ADGRL3: variants seen among roughly 807,000 people sequenced by gnomAD.
ADGRL3 encodes calcium-independent alpha-latrotoxin receptor 3.
Under a neutral mutation model 153.5 loss-of-function variants are expected in ADGRL3, and 62 were observed. The observed-to-expected ratio is 0.40, with a 90% CI of 0.33 to 0.50. The LOEUF (loss-of-function observed/expected upper bound fraction) is 0.50. Among genes scored for constraint, ADGRL3 ranks in the 20% least tolerant of loss-of-function variants. The pLI, the probability that ADGRL3 is intolerant of heterozygous loss-of-function variation, is 0.47. For synonymous variants in ADGRL3, 710 were observed against 672.5 expected (o/e 1.06, Z -0.86); for missense variants, 1,641 against 1,859.4 (o/e 0.88, Z 2.16).
intron 8 of ADGRL3, among the ~76,000 whole-genome samples, chr4:61,787,179 T>C (rs527406942): frequency 6.6e-6 from 1 of 152,264 alleles, no homozygotes; most frequent in South Asian, 2.1e-4. Context: ...AACATCACAA[T>C]TGAAGGTATC....
rs6551641 is a variant in ADGRL3, at chr4:61,653,170, T to A, written c.474-23656T>A. Among the ~76,000 whole-genome samples the A allele has an allele frequency of 1.2e-3, 108 of 91,080 alleles. 1 individual carries two copies. The highest frequency in any genetic ancestry group is 4.0e-3 in the East Asian group (17 of 4,256). 59.8% of individuals were successfully genotyped at this position (91,080 alleles called of 152,430 possible). ...CTCTCTGTCTCTCTCTCTCTCTCTCTCACACACACACACACACACACACAC... is the reference window on the plus strand; with the variant it reads ...CTCTCTGTCTCTCTCTCTCTCTCTCACACACACACACACACACACACACAC... On this transcript the variant is annotated intron_variant, in intron 5 of 26. Coordinates refer to ENST00000683033, the MANE Select transcript of ADGRL3 (RefSeq NM_001387552.1).
intron 4 of ADGRL3, among the ~76,000 whole-genome samples, chr4:61,525,986 A>T (rs1056441727): frequency 8.5e-5 from 13 of 152,106 alleles, no homozygotes; most frequent in African/African-American, 3.1e-4. Flanking sequence ...TTGATTGGGG[A>T]TGATGAGATT....
intron 1 of ADGRL3, among the ~76,000 whole-genome samples, chr4:61,325,130 G>A (rs962762859): frequency 1.3e-5 from 2 of 151,984 alleles, no homozygotes; most frequent in African/African-American, 4.8e-5. Flanking sequence ...TGGCCCACAT[G>A]GTGAAACCCC....
rs954339795 is a variant in ADGRL3, at chr4:61,846,948, A to G, written c.1480+33059A>G. ...AGCCGTGAGGGATATTTTATATATT[A>G]TGTGTGTGTGTGTGTGTGTGTGTAT... On this transcript the variant is annotated intron_variant, in intron 9 of 26. Coordinates refer to ENST00000683033, the MANE Select transcript of ADGRL3 (RefSeq NM_001387552.1). Among the ~76,000 whole-genome samples the G allele has an allele frequency of 9.6e-5, 14 of 145,840 alleles. No homozygotes were observed. The East Asian group carries it at 1.2e-3, about 13-fold the overall frequency.
At chr4:61,519,604 T>TATAG (rs1211168263) in intron 4 of ADGRL3, among the ~76,000 whole-genome samples, 2 of 152,142 alleles carry the variant, frequency 1.3e-5, no homozygotes, top group African/African-American at 4.8e-5. Flanking sequence ...AAGTAAATAT[T>TATAG]ATAGGGGCAT....
At chr4:61,289,554 G>T (rs765185335) in intron 1 of ADGRL3, among the ~76,000 whole-genome samples, 4 of 151,852 alleles carry the variant, frequency 2.6e-5, no homozygotes, top group African/African-American at 4.8e-5. Context: ...ATATAGTAAG[G>T]CACCCATTTA....
intron 4 of ADGRL3, among the ~76,000 whole-genome samples, chr4:61,523,930 T>A (rs1229607096): frequency 6.6e-6 from 1 of 152,096 alleles, no homozygotes. Flanking sequence ...AGAAAATAGG[T>A]GCTAAACTTT....
chr4:61,696,707 G>T (rs1312591671), intron 6 of ADGRL3, among the ~76,000 whole-genome samples: 3 of 113,166 alleles, frequency 2.7e-5, no homozygotes, highest in Non-Finnish European at 4.9e-5. Context: ...ATGGAGTCTC[G>T]CTCTCTCGCC....
At chr4:61,931,571 A>T (rs1037912742) in intron 13 of ADGRL3, among the ~76,000 whole-genome samples, 1 of 152,186 alleles carries the variant, frequency 6.6e-6, no homozygotes, top group South Asian at 2.1e-4. Flanking sequence ...TCCAAATCCC[A>T]CACTCTGATT....
chr4:61,364,857 TTAA>T (rs2096366071), intron 1 of ADGRL3, among the ~76,000 whole-genome samples: 1 of 152,202 alleles, frequency 6.6e-6, no homozygotes, highest in South Asian at 2.1e-4. Flanking sequence ...TACCTGAACG[TTAA>T]TGTCATTCAA....
At chr4:61,338,585 T>C (rs995710998) in intron 1 of ADGRL3, among the ~76,000 whole-genome samples, 1 of 152,194 alleles carries the variant, frequency 6.6e-6, no homozygotes, top group Non-Finnish European at 1.5e-5. Flanking sequence ...AAATGTATCA[T>C]TTTGAGTGAG....
intron 1 of ADGRL3, among the ~76,000 whole-genome samples, chr4:61,291,618 A>G (rs868223865): frequency 1.0e-4 from 4 of 38,882 alleles, no homozygotes; most frequent in African/African-American, 2.6e-4. Flanking sequence ...ACACATATAT[A>G]TATATATAAA....
intron 1 of ADGRL3, among the ~76,000 whole-genome samples, chr4:61,377,987 T>C (rs537251173): frequency 1.2e-4 from 19 of 152,202 alleles, no homozygotes; most frequent in African/African-American, 4.1e-4. Flanking sequence ...TTCAAATATT[T>C]AGGGATTTCC....
chr4:61,669,089 A>G (rs2094904302), intron 5 of ADGRL3, among the ~76,000 whole-genome samples: 1 of 152,224 alleles, frequency 6.6e-6, no homozygotes. Flanking sequence ...TTGCCCTTAA[A>G]TTGTAAGTGG....
At chr4:61,863,802 A>AC (rs2098373510) in intron 9 of ADGRL3, among the ~76,000 whole-genome samples, 2 of 152,218 alleles carry the variant, frequency 1.3e-5, no homozygotes, top group Non-Finnish European at 2.9e-5. Flanking sequence ...AAGAGATTAA[A>AC]ATCATACAAG....
chr4:61,381,036 G>A (rs899484178), intron 1 of ADGRL3, among the ~76,000 whole-genome samples: 1 of 151,802 alleles, frequency 6.6e-6, no homozygotes, highest in African/African-American at 2.4e-5. Context: ...AGCAGGCTAA[G>A]TGGCTCTATG....
intron 21 of ADGRL3, among the ~76,000 whole-genome samples, chr4:62,013,892 AAAAAAATTTTTTTTTT>A (rs1055883114): frequency 1.5e-5 from 2 of 133,248 alleles, no homozygotes; most frequent in African/African-American, 5.0e-5. Context: ...GTCTCAAAAA[AAAAAAATTTTTTTTTT>A]GTTTGTTTGT....
chr4:61,452,519 A>G lies in ADGRL3; in HGVS notation c.-173-44602A>G, dbSNP rs1048725148. ...CTGTTGATTTCTGAAACAGGAAGGC[A>G]AACTGTTGTTCTTTGTTGAAATTTT... On this transcript the variant is annotated intron_variant, in intron 2 of 26. Coordinates refer to ENST00000683033, the MANE Select transcript of ADGRL3 (RefSeq NM_001387552.1). 2.0e-5 allele frequency among the ~76,000 whole-genome samples: 3 copies of G among 152,198 alleles called. No individual in the cohort carries two copies. In the South Asian group the frequency reaches 6.2e-4, roughly 31 times the overall value.
intron 9 of ADGRL3, among the ~76,000 whole-genome samples, chr4:61,845,299 C>A (rs1171144876): frequency 2.0e-5 from 3 of 151,758 alleles, no homozygotes; most frequent in Admixed American, 1.3e-4. Flanking sequence ...TTCTCTTCTT[C>A]TCTTTTTGCT....
Sources: allele counts gnomAD v4.1 joint callset (sites outside exome capture counted in the v4.1 genomes callset), GRCh38; gene constraint gnomAD v4.1.1; transcripts MANE v1.5; gene names NCBI Gene and HGNC (gene_info 2026-07-23, HGNC 2026-07-21).